The following ERICH6 variants were observed in gnomAD, a reference collection of about 807,000 sequenced individuals.
ERICH6 encodes the protein glutamate rich 6.
A neutral mutation model predicts 71.0 loss-of-function variants in ERICH6; 71 were observed. The ratio of observed to expected loss-of-function variants is 1.00; its 90% CI spans 0.83 to 1.22. The LOEUF (loss-of-function observed/expected upper bound fraction) is 1.22. Ranked by LOEUF, ERICH6 falls within the 50% of genes most tolerant of loss-of-function variation. The pLI, the probability that ERICH6 is intolerant of heterozygous loss-of-function variation, is 0.00. For missense variants in ERICH6, 808 were observed against 797.2 expected (o/e 1.01, Z -0.16); for synonymous variants, 262 against 278.4 (o/e 0.94, Z 0.59).
chr3:150,694,107 C>T (rs1349737089), intron 3 of ERICH6, among the ~76,000 whole-genome samples: 3 of 152,084 alleles, frequency 2.0e-5, no homozygotes, highest in Admixed American at 2.0e-4. Flanking sequence ...TGTTTTTCTC[C>T]CTTCCTCCTC....
At chr3:150,667,304 C>T (rs1727460185) in intron 12 of ERICH6, among the ~76,000 whole-genome samples, 1 of 151,572 alleles carries the variant, frequency 6.6e-6, no homozygotes, top group African/African-American at 2.4e-5. Flanking sequence ...AAGGCTTAGT[C>T]TGGAGAAAAT....
intron 10 of ERICH6, among the ~76,000 whole-genome samples, chr3:150,676,818 A>T (rs191709056): frequency 0.12 from 16,786 of 144,968 alleles, 1,001 homozygotes; most frequent in Middle Eastern, 0.19. Context: ...TTAAAAAAAA[A>T]TTTTTTTTTT....
intron 6 of ERICH6, among the ~76,000 whole-genome samples, chr3:150,683,565 A>G (rs1712055769): frequency 6.6e-6 from 1 of 152,006 alleles, no homozygotes; most frequent in African/African-American, 2.4e-5. Context: ...GGAATTGGAG[A>G]CCAGCCTGGT....
chr3:150,693,754 A>G (rs1712542115), intron 3 of ERICH6, among the ~76,000 whole-genome samples: 1 of 152,228 alleles, frequency 6.6e-6, no homozygotes, highest in African/African-American at 2.4e-5. Flanking sequence ...AACCTATAGT[A>G]TACTTGTTGT....
At chr3:150,671,667 C>T (rs1270068269) in intron 11 of ERICH6, among the ~76,000 whole-genome samples, 1 of 152,132 alleles carries the variant, frequency 6.6e-6, no homozygotes, top group African/African-American at 2.4e-5. Context: ...TGCTGTGTTG[C>T]CCAGGTCAGA....
chr3:150,684,587 G>A (rs1020447083), intron 6 of ERICH6, among the ~76,000 whole-genome samples: 5 of 152,124 alleles, frequency 3.3e-5, no homozygotes, highest in East Asian at 3.9e-4. Flanking sequence ...CATGGCCATG[G>A]CATCCAGCCC....
chr3:150,701,439 A>G (rs1377464568), intron 2 of ERICH6, among the ~76,000 whole-genome samples: 3 of 152,202 alleles, frequency 2.0e-5, no homozygotes, highest in Non-Finnish European at 2.9e-5. Flanking sequence ...TGAGATTTTC[A>G]TTTTTATACC....
At position 150,673,971 on chromosome 3, in the gene ERICH6, C is replaced by T; in HGVS notation, c.1328G>A (p.Gly443Glu). 6.2e-7 allele frequency: 1 copy of T among 1,613,818 alleles called. No individual in the cohort carries two copies. The highest frequency in any genetic ancestry group is 8.5e-7 in the Non-Finnish European group (1 of 1,179,850). The part of the protein sequence containing the change: ...GSKFLTSFPD[G>E]TTQIFYPSGN... The stretch of plus-strand genomic sequence containing the variant: ...AAGAGGATACAATATTTGTGTTGTC[C>T]CATCTGGAAATGAAGTCAGAAACTT... The change falls in exon 11 of 14, where the codon GGG becomes GAG. Residue 443 changes from glycine to glutamate, a missense_variant. By Grantham distance (98) the Gly-to-Glu change is moderately conservative. Transcript: ENST00000295910.
intron 3 of ERICH6, among the ~76,000 whole-genome samples, chr3:150,698,380 G>A (rs917963426): frequency 1.3e-5 from 2 of 152,096 alleles, no homozygotes; most frequent in Non-Finnish European, 1.5e-5. Flanking sequence ...TATAAAAGCT[G>A]AAGGGAAATA....
intron 1 of ERICH6, among the ~76,000 whole-genome samples, chr3:150,702,889 A>AGTGTGTGTGTGTGT (rs10663390): frequency 9.7e-5 from 11 of 113,448 alleles, no homozygotes; most frequent in African/African-American, 3.8e-4. Flanking sequence ...AAATAATATG[A>AGTGTGTGTGTGTGT]GTGTGTGTGT....
chr3:150,696,669 C>T (rs1484122092), intron 3 of ERICH6, among the ~76,000 whole-genome samples: 1 of 152,054 alleles, frequency 6.6e-6, no homozygotes, highest in East Asian at 1.9e-4. Flanking sequence ...ACCAAAAAAA[C>T]ATATTATTGG....
intron 9 of ERICH6, among the ~76,000 whole-genome samples, chr3:150,679,205 G>C (rs1711797471): frequency 6.6e-6 from 1 of 151,206 alleles, no homozygotes; most frequent in African/African-American, 2.4e-5. Context: ...TTTTTTGGCA[G>C]TTCAACTTTT....
At position 150,697,004 on chromosome 3, in the gene ERICH6, A is replaced by G. The variant is rs540459655; in HGVS notation, c.553+1787T>C. 1.3e-5 allele frequency among the ~76,000 whole-genome samples: 2 copies of G among 152,306 alleles called. 1 individual carries two copies. Among genetic ancestry groups the G allele is most frequent in the South Asian group, 4.1e-4 (2 of 4,826 alleles). On this transcript the variant is annotated intron_variant, in intron 3 of 13. Transcript: ENST00000295910. The stretch of plus-strand genomic sequence containing the variant: ...TAAATATCTAGGAACAATTTTATGC[A>G]TCAGTTGGGGAATCTTTAAATAAAT...
At chr3:150,660,472 G>C (rs147390132) in intron 13 of ERICH6, among the ~76,000 whole-genome samples, 2 of 152,270 alleles carry the variant, frequency 1.3e-5, no homozygotes, top group East Asian at 1.9e-4. Context: ...AGTACCCAGT[G>C]GGGGAGGTAG....
chr3:150,668,298 C>T (rs1405211423), intron 12 of ERICH6, among the ~76,000 whole-genome samples: 2 of 152,130 alleles, frequency 1.3e-5, no homozygotes, highest in Non-Finnish European at 2.9e-5. Context: ...GGGAAATGGA[C>T]TCACTACACA....
chr3:150,698,385 G>A (rs940868165), intron 3 of ERICH6, among the ~76,000 whole-genome samples: 4 of 151,980 alleles, frequency 2.6e-5, no homozygotes, highest in Admixed American at 6.6e-5. Context: ...AAGCTGAAGG[G>A]AAATATACTG....
chr3:150,678,587 T>C lies in ERICH6; in HGVS notation c.1112-33A>G, dbSNP rs373744953. 7.9e-6 allele frequency: 12 copies of C among 1,523,906 alleles called. No homozygotes were observed. The East Asian group carries it at 2.4e-4, about 30-fold the overall frequency. The allele number at this position is 1,523,906 out of a possible 1,614,324, so 94.4% of individuals were successfully genotyped here. A position where few individuals can be genotyped will look rare whatever the true frequency, so the allele number is the denominator to read the frequency against. On this transcript the variant is annotated intron_variant, in intron 9 of 13. Coordinates refer to ENST00000295910, the MANE Select transcript of ERICH6 (RefSeq NM_152394.5). ...GAAAAGAATCACATAGAAATACATA[T>C]ATGTTTTAAATTTTCTAAAGCCTCT... is the stretch of plus-strand genomic sequence containing the variant.
intron 12 of ERICH6, among the ~76,000 whole-genome samples, chr3:150,667,298 C>T (rs569160343): frequency 6.6e-6 from 1 of 152,012 alleles, no homozygotes; most frequent in Admixed American, 6.6e-5. Context: ...GCAGGGAAGG[C>T]TTAGTCTGGA....
chr3:150,684,969 C>A (rs1712118722), intron 6 of ERICH6, among the ~76,000 whole-genome samples: 1 of 151,818 alleles, frequency 6.6e-6, no homozygotes, highest in African/African-American at 2.4e-5. Context: ...GTGCCACTTA[C>A]ACTGTAGCCT....
Sources: allele counts gnomAD v4.1 joint callset (sites outside exome capture counted in the v4.1 genomes callset), GRCh38; gene constraint gnomAD v4.1.1; transcripts MANE v1.5; gene names NCBI Gene and HGNC (gene_info 2026-07-23, HGNC 2026-07-21).